Variants in TEAD4 observed in about 807,000 individuals in gnomAD.
TEAD4 encodes transcriptional enhancer factor TEF-3.
A neutral mutation model predicts 52.4 loss-of-function variants in TEAD4; 36 were observed. That is an observed-to-expected ratio of 0.69 (90% CI 0.53 to 0.91). TEAD4 has a LOEUF of 0.91. Ranked by LOEUF, TEAD4 falls within the 40% of genes least tolerant of loss-of-function variation. The pLI is 0.00. For synonymous variants in TEAD4, 220 were observed against 231.0 expected, an observed-to-expected ratio of 0.95 and a Z score of 0.43; for missense variants, 508 against 583.9, an observed-to-expected ratio of 0.87 and a Z score of 1.34.
intron 2 of TEAD4, among the ~76,000 whole-genome samples, chr12:2,974,754 G>C (rs181215690): frequency 6.6e-6 from 1 of 152,118 alleles, no homozygotes. Flanking sequence ...CCAGATGCCC[G>C]TGCTGCTTGG....
chr12:2,972,519 GA>G (rs2098226073), intron 2 of TEAD4, among the ~76,000 whole-genome samples: 1 of 39,664 alleles, frequency 2.5e-5, no homozygotes, highest in African/African-American at 8.0e-5. Flanking sequence ...TTTTTTTTGA[GA>G]CAGAGTTTTG....
intron 2 of TEAD4, among the ~76,000 whole-genome samples, chr12:2,969,542 C>T (rs2153952633): frequency 6.6e-6 from 1 of 152,310 alleles, no homozygotes; most frequent in East Asian, 1.9e-4. Context: ...AGGGCCACTG[C>T]TTCCTCGAAG....
intron 2 of TEAD4, among the ~76,000 whole-genome samples, chr12:2,980,171 T>C (rs2098232978): frequency 6.6e-6 from 1 of 152,110 alleles, no homozygotes; most frequent in Non-Finnish European, 1.5e-5. Context: ...CACTTATACA[T>C]TGGAGGGCAG....
intron 10 of TEAD4, among the ~76,000 whole-genome samples, chr12:3,027,524 A>G (rs1340540285): frequency 6.6e-6 from 1 of 152,208 alleles, no homozygotes; most frequent in East Asian, 1.9e-4. Context: ...TGAGCTCAGG[A>G]GTTTGAGACC....
Position 2,994,885 on chromosome 12 carries a change from A to G in TEAD4, c.119A>G (p.Glu40Gly). The change falls in exon 3 of 13, where the codon GAG becomes GGG. Residue 40 changes from glutamate to glycine, a missense_variant. Glu to Gly is a moderately conservative substitution (Grantham distance 98). Transcript: ENST00000359864. The surrounding 1 kb of genome is among the most constrained non-coding windows in gnomAD (Gnocchi z 4.7). ...GACAAGCCCATCGACAATGACGCAG[A>G]GGGCGTGTGGAGCCCGGATATTGAG... 1.2e-6 allele frequency: 2 copies of G among 1,614,182 alleles called. No individual in the cohort carries two copies. The highest frequency in any genetic ancestry group is 1.7e-6 in the Non-Finnish European group (2 of 1,180,038).
chr12:2,999,628 G>C (rs139294540), intron 3 of TEAD4, among the ~76,000 whole-genome samples: 229 of 152,322 alleles, frequency 1.5e-3, no homozygotes, highest in East Asian at 0.014. Context: ...CGGGGTGCTT[G>C]CCTTCTCCTG....
intron 2 of TEAD4, among the ~76,000 whole-genome samples, chr12:2,962,329 T>TATATAAATATATATATAA (rs1246495846): frequency 3.2e-5 from 3 of 93,248 alleles, no homozygotes; most frequent in East Asian, 5.0e-4. Context: ...TATATATAAA[T>TATATAAATATATATATAA]ATAAATATAT....
rs371946304 is a variant in TEAD4 at position 3,038,059 on chromosome 12, G to C, written c.989G>C (p.Cys330Ser). 1.1e-4 allele frequency: 184 copies of C among 1,613,902 alleles called. 1 individual carries two copies. The highest frequency in any genetic ancestry group is 4.2e-6 in the Non-Finnish European group (5 of 1,179,916). ...AGCCCCGAGAACATGATCATCACCT[G>C]CTCCACGAAGGTCTGCTCTTTCGGC... The change falls in exon 11 of 13, where the codon TGC becomes TCC. Residue 330 changes from cysteine to serine, a missense_variant. Physicochemically the swap from Cys to Ser is moderately radical, Grantham distance 112 (BLOSUM62 -1). Transcript: ENST00000359864.
intron 2 of TEAD4, among the ~76,000 whole-genome samples, chr12:2,983,013 G>A (rs907088618): frequency 6.6e-5 from 10 of 152,144 alleles, no homozygotes; most frequent in South Asian, 2.1e-4. Flanking sequence ...GTCAGGTGGG[G>A]TAAGGGAGGT....
intron 3 of TEAD4, among the ~76,000 whole-genome samples, chr12:3,005,247 A>G (rs2098254905): frequency 6.6e-6 from 1 of 152,142 alleles, no homozygotes; most frequent in Non-Finnish European, 1.5e-5. Flanking sequence ...GTCAAAGAAT[A>G]TAGTTTCAGT....
At chr12:2,985,824 G>T (rs1266914859) in intron 2 of TEAD4, among the ~76,000 whole-genome samples, 7 of 152,064 alleles carry the variant, frequency 4.6e-5, no homozygotes, top group Non-Finnish European at 8.8e-5. Flanking sequence ...GGTGGCTCAC[G>T]CCTGTAATCC....
chr12:2,997,360 G>A (rs1425287843), intron 3 of TEAD4, among the ~76,000 whole-genome samples: 1 of 152,198 alleles, frequency 6.6e-6, no homozygotes, highest in Admixed American at 6.5e-5. Context: ...CTGGGGAAGC[G>A]TCATGGGGGA....
intron 2 of TEAD4, among the ~76,000 whole-genome samples, chr12:2,962,321 TATATAA>T (rs1375708678): frequency 1.0e-5 from 1 of 97,406 alleles, no homozygotes; most frequent in African/African-American, 4.8e-5. Context: ...TATAAATATA[TATATAA>T]ATATAAATAT....
At position 3,017,391 on chromosome 12, in the gene TEAD4, C is replaced by T. The variant is rs781125474; in HGVS notation, c.355-7C>T. 7 of 1,613,900 alleles carry T rather than the reference C, an allele frequency of 4.3e-6. No homozygotes were observed. Among genetic ancestry groups the T allele is most frequent in the East Asian group, 2.2e-5 (1 of 44,888 alleles). On this transcript the variant is annotated splice_polypyrimidine_tract_variant and splice_region_variant and intron_variant, in intron 5 of 12. Transcript: ENST00000359864. ...GCTGAGGTCCTCCCTTGCAATGTCT[C>T]CCCCAGGACCAGGCAGCTAAGGACA...
intron 2 of TEAD4, among the ~76,000 whole-genome samples, chr12:2,979,518 C>T (rs550331753): frequency 5.7e-4 from 87 of 152,312 alleles, no homozygotes; most frequent in African/African-American, 1.1e-3. Flanking sequence ...TGGGAGCGTG[C>T]GCGTCAGGCA....
At position 3,021,953 on chromosome 12, in the gene TEAD4, A is replaced by G. The variant is rs1337348966; in HGVS notation, c.833A>G (p.Lys278Arg). 6.2e-7 allele frequency: 1 copy of G among 1,614,236 alleles called. No homozygotes were observed. The highest frequency in any genetic ancestry group is 1.1e-5 in the South Asian group (1 of 91,088). ...ATCTATGACAAATTCCCGGAGAAAA[A>G]GGGTGGACTCAAGGATCTCTTCGAA... is the stretch of plus-strand genomic sequence containing the variant. Residue 278 changes from lysine (K) to arginine (R), a missense_variant, in exon 10 of 13, where the codon AAG becomes AGG. Physicochemically the swap from Lys to Arg is conservative, Grantham distance 26 (BLOSUM62 2). Coordinates refer to ENST00000359864, the MANE Select transcript of TEAD4 (RefSeq NM_003213.4).
intron 2 of TEAD4, among the ~76,000 whole-genome samples, chr12:2,979,181 G>T (rs2098232239): frequency 6.6e-6 from 1 of 152,210 alleles, no homozygotes; most frequent in Non-Finnish European, 1.5e-5. Context: ...CTCCCAAAGT[G>T]CTGGGATTAC....
intron 3 of TEAD4, among the ~76,000 whole-genome samples, chr12:2,999,613 G>C (rs558787330): frequency 6.6e-6 from 1 of 152,298 alleles, no homozygotes; most frequent in South Asian, 2.1e-4. Flanking sequence ...GCCGGCTCCC[G>C]AGCCCGGGGT....
chr12:2,970,228 C>G (rs190198358), intron 2 of TEAD4, among the ~76,000 whole-genome samples: 1 of 152,232 alleles, frequency 6.6e-6, no homozygotes, highest in Non-Finnish European at 1.5e-5. Flanking sequence ...GTATTGTACA[C>G]TTAACAACAC....
Sources: allele counts gnomAD v4.1 joint callset (sites outside exome capture counted in the v4.1 genomes callset), GRCh38; gene constraint gnomAD v4.1.1; non-coding constraint Gnocchi (gnomAD v3.1); transcripts MANE v1.5; gene names NCBI Gene and HGNC (gene_info 2026-07-23, HGNC 2026-07-21).